Variants in CPNE4 observed in about 807,000 individuals in gnomAD.
CPNE4 encodes copine 4, also known as copine-4.
In CPNE4, 25 loss-of-function variants were observed where a neutral mutation model predicts 67.9. That is an observed-to-expected ratio of 0.37 (90% CI 0.27 to 0.51). The LOEUF (loss-of-function observed/expected upper bound fraction) is 0.51, where lower values mean the gene tolerates loss of function less well. CPNE4 is among the 20% of genes least tolerant of loss of function. The pLI, the probability that CPNE4 is intolerant of heterozygous loss-of-function variation, is 0.93. For synonymous variants in CPNE4, 242 were observed against 244.9 expected (o/e 0.99, Z 0.11); for missense variants, 464 against 690.8 (o/e 0.67, Z 3.68).
chr3:131,854,243 A>G (rs1244761385), intron 2 of CPNE4, among the ~76,000 whole-genome samples: 1 of 151,836 alleles, frequency 6.6e-6, no homozygotes, highest in Non-Finnish European at 1.5e-5. Context: ...AATCTCTAAA[A>G]CATAATGTTG....
intron 2 of CPNE4, among the ~76,000 whole-genome samples, chr3:131,901,083 C>T (rs573253224): frequency 2.0e-5 from 3 of 152,166 alleles, no homozygotes; most frequent in Admixed American, 2.0e-4. Flanking sequence ...CTGCCAAGGG[C>T]CACACACTCA....
At chr3:131,860,178 C>T (rs1160902277) in intron 2 of CPNE4, among the ~76,000 whole-genome samples, 2 of 152,138 alleles carry the variant, frequency 1.3e-5, no homozygotes, top group African/African-American at 4.8e-5. Flanking sequence ...CACAACAAAG[C>T]ATGAAAACAA....
chr3:131,741,024 G>A lies in CPNE4; in HGVS notation c.181-17399C>T, dbSNP rs1023202878. Among the ~76,000 whole-genome samples the A allele has an allele frequency of 3.3e-5, 5 of 152,132 alleles. No individual in the cohort carries two copies. In the South Asian group the frequency reaches 6.2e-4, roughly 19 times the overall value. On this transcript the variant is annotated intron_variant, in intron 2 of 15. Transcript: ENST00000429747. The stretch of plus-strand genomic sequence containing the variant: ...ATTTCCTTCAGATCCGTACTTAAAT[G>A]TCTTCTCATTGAAGCTTTTTCTTGC...
At chr3:131,902,216 G>C (rs2088580842) in intron 2 of CPNE4, among the ~76,000 whole-genome samples, 1 of 152,078 alleles carries the variant, frequency 6.6e-6, no homozygotes, top group Non-Finnish European at 1.5e-5. Context: ...AATGGTTATA[G>C]AGTGAGACTT....
chr3:131,680,269 C>CTTTTTT, intron 6 of CPNE4, among the ~76,000 whole-genome samples: 1 of 114,064 alleles, frequency 8.8e-6, no homozygotes, highest in Non-Finnish European at 1.9e-5. Context: ...TTTTTTTTTC[C>CTTTTTT]TTTTGCTTGG....
chr3:132,035,165 T>C, upstream of CPNE4: 2 of 543,428 alleles, frequency 3.7e-6, no homozygotes, highest in African/African-American at 2.1e-5. Context: ...TCCGTGGTCC[T>C]GCCGCGCCCG....
intron 7 of CPNE4, among the ~76,000 whole-genome samples, chr3:131,615,316 T>C (rs1262898006): frequency 6.6e-6 from 1 of 152,212 alleles, no homozygotes; most frequent in Non-Finnish European, 1.5e-5. Context: ...AGAAAAGCCC[T>C]GGTCTCATGG....
At chr3:131,806,937 G>A (rs547739560) in intron 2 of CPNE4, among the ~76,000 whole-genome samples, 4 of 152,332 alleles carry the variant, frequency 2.6e-5, no homozygotes, top group African/African-American at 7.2e-5. Context: ...ACAGAGACAG[G>A]AGGTAAAGTG....
At chr3:131,796,490 A>T (rs1385482085) in intron 2 of CPNE4, among the ~76,000 whole-genome samples, 1 of 151,722 alleles carries the variant, frequency 6.6e-6, no homozygotes, top group Non-Finnish European at 1.5e-5. Context: ...ATGTTGTATA[A>T]GTCTATGCTT....
rs561220810 is a variant in CPNE4 at position 131,655,658 on chromosome 3, A to AG, written c.681+14016dup. 3.6e-3 allele frequency among the ~76,000 whole-genome samples: 553 copies of AG among 152,222 alleles called. 5 individuals are homozygous for AG. Among genetic ancestry groups the AG allele is most frequent in the South Asian group, 0.029 (142 of 4,814 alleles). On this transcript the variant is annotated intron_variant, in intron 7 of 15. Transcript: ENST00000429747. ...GGAAATGAAACCGACGTCGGGGGGC[A>AG]GGGGGGTGGAGACAAGTAGGTTGTA...
At chr3:131,760,658 A>G (rs930825701) in intron 2 of CPNE4, among the ~76,000 whole-genome samples, 1 of 152,164 alleles carries the variant, frequency 6.6e-6, no homozygotes, top group African/African-American at 2.4e-5. Flanking sequence ...GATGAGATAA[A>G]TCATTTTGCT....
chr3:131,896,534 T>TA (rs1170476164), intron 2 of CPNE4, among the ~76,000 whole-genome samples: 6 of 151,576 alleles, frequency 4.0e-5, no homozygotes, highest in Non-Finnish European at 7.4e-5. Flanking sequence ...ATGTAAAGAG[T>TA]AAAAAAAATA....
At chr3:131,648,096 G>T (rs1423051293) in intron 7 of CPNE4, among the ~76,000 whole-genome samples, 1 of 152,094 alleles carries the variant, frequency 6.6e-6, no homozygotes, top group African/African-American at 2.4e-5. Flanking sequence ...TGTGTGGCTG[G>T]GCATAGTGGT....
intron 1 of CPNE4, among the ~76,000 whole-genome samples, chr3:132,003,330 G>C (rs2107666804): frequency 6.6e-6 from 1 of 152,190 alleles, no homozygotes; most frequent in East Asian, 1.9e-4. Flanking sequence ...GCTTATTTTA[G>C]ATGATGCTCT....
At chr3:131,559,207 T>C (rs1166443729) in intron 11 of CPNE4, among the ~76,000 whole-genome samples, 2 of 152,034 alleles carry the variant, frequency 1.3e-5, no homozygotes, top group African/African-American at 2.4e-5. Context: ...TTTTGATGAT[T>C]GGCCATTATG....
At chr3:131,658,152 AT>A (rs2080027025) in intron 7 of CPNE4, among the ~76,000 whole-genome samples, 1 of 151,998 alleles carries the variant, frequency 6.6e-6, no homozygotes. Context: ...GTAAATTACT[AT>A]GTTGGCCTCC....
intron 2 of CPNE4, among the ~76,000 whole-genome samples, chr3:131,812,835 AC>A (rs1393110428): frequency 6.6e-6 from 1 of 152,212 alleles, no homozygotes; most frequent in Non-Finnish European, 1.5e-5. Flanking sequence ...TAATGTCTTC[AC>A]AAAAAGGGAA....
In CPNE4 at chr3:131,587,579, T is replaced by A. The variant is rs774063278; in HGVS notation, c.685A>T (p.Ile229Leu). ...SGDPDRRLKCIVWDWDSNGKH... is the reference protein window; with the variant it reads ...SGDPDRRLKCLVWDWDSNGKH... ...CCATTGGAGTCCCAGTCCCATACTATGCACTGTAAGAGAAAACAATGATCT... is the reference window on the plus strand; with the variant it reads ...CCATTGGAGTCCCAGTCCCATACTAAGCACTGTAAGAGAAAACAATGATCT... Residue 229 changes from isoleucine (I) to leucine (L), a missense_variant, in exon 8 of 16, where the codon ATA becomes TTA. Physicochemically the swap from Ile to Leu is conservative, Grantham distance 5. This residue lies in a region of CPNE4 where 58 missense variants were observed against 63.5 expected (regional missense o/e 0.91). Transcript: ENST00000429747. 2 of 1,606,098 alleles carry A rather than the reference T, an allele frequency of 1.2e-6. No homozygotes were observed. Among genetic ancestry groups the A allele is most frequent in the East Asian group, 4.5e-5 (2 of 44,852 alleles).
At chr3:132,023,835 A>G (rs16838330) in intron 1 of CPNE4, among the ~76,000 whole-genome samples, 37,347 of 151,988 alleles carry the variant, frequency 0.25, 4,827 homozygotes, top group East Asian at 0.39. Flanking sequence ...CATACAGGCT[A>G]AGGCTTAAAA....
Sources: gnomAD v4.1 joint callset for allele counts (sites outside exome capture counted in the v4.1 genomes callset) on GRCh38, gnomAD v4.1.1 for gene constraint, gnomAD v4.1.1 regional missense constraint, MANE v1.5 for transcripts, NCBI Gene and HGNC (gene_info 2026-07-23, HGNC 2026-07-21) for gene names.